Variants in CADM2 observed in about 807,000 individuals in gnomAD.
CADM2 encodes the protein cell adhesion molecule 2.
In CADM2, 12 loss-of-function variants were observed where a neutral mutation model predicts 49.8. That is an observed-to-expected ratio of 0.24 (90% confidence interval 0.15 to 0.39). CADM2 has a LOEUF of 0.39. Ranked by LOEUF, CADM2 falls within the 10% of genes least tolerant of loss-of-function variation. The pLI is 1.00. For missense variants in CADM2, 378 were observed against 492.3 expected (o/e 0.77, Z 2.20); for synonymous variants, 214 against 175.4 (o/e 1.22, Z -1.74).
At chr3:85,598,889 CAT>C (rs2063322332) in intron 1 of CADM2, among the ~76,000 whole-genome samples, 1 of 151,470 alleles carries the variant, frequency 6.6e-6, no homozygotes, top group South Asian at 2.1e-4. Context: ...ATTATACACA[CAT>C]AGACATATAT....
chr3:85,620,737 G>A (rs774253119), intron 1 of CADM2, among the ~76,000 whole-genome samples: 2 of 152,016 alleles, frequency 1.3e-5, no homozygotes, highest in Non-Finnish European at 2.9e-5. Flanking sequence ...GTGACACAAA[G>A]CAATAGTCCT....
intron 8 of CADM2, among the ~76,000 whole-genome samples, chr3:86,061,759 A>T (rs1738681066): frequency 6.6e-6 from 1 of 152,188 alleles, no homozygotes; most frequent in African/African-American, 2.4e-5. Flanking sequence ...TGTTAAAGCA[A>T]AATTTAAATA....
At chr3:85,384,671 A>AAGTG (rs372436345) in intron 1 of CADM2, among the ~76,000 whole-genome samples, 6 of 148,552 alleles carry the variant, frequency 4.0e-5, no homozygotes, top group African/African-American at 1.5e-4. Context: ...GTCAAAAAAA[A>AAGTG]TGTGTGTGTG....
intron 1 of CADM2, among the ~76,000 whole-genome samples, chr3:85,599,752 A>G (rs1421704062): frequency 6.6e-6 from 1 of 152,004 alleles, no homozygotes; most frequent in East Asian, 1.9e-4. Context: ...TTCTAGTAAA[A>G]ATAAATGTTC....
At chr3:85,813,549 C>A (rs558054275) in intron 3 of CADM2, among the ~76,000 whole-genome samples, 2 of 152,162 alleles carry the variant, frequency 1.3e-5, no homozygotes, top group South Asian at 4.1e-4. Context: ...TTAATTAGAT[C>A]CCCTTTGTCA....
At chr3:84,994,878 A>G (rs2033091046) in intron 1 of CADM2, among the ~76,000 whole-genome samples, 1 of 152,012 alleles carries the variant, frequency 6.6e-6, no homozygotes, top group African/African-American at 2.4e-5. Context: ...AATACAAAAA[A>G]TAAGCCGGGC....
At chr3:85,530,867 T>TACACACACACACAC (rs71617940) in intron 1 of CADM2, among the ~76,000 whole-genome samples, 24 of 136,936 alleles carry the variant, frequency 1.8e-4, no homozygotes, top group Non-Finnish European at 3.0e-4. Flanking sequence ...TATGTAAAAA[T>TACACACACACACAC]ACACACACAC....
At chr3:85,509,914 A>T (rs1053978256) in intron 1 of CADM2, among the ~76,000 whole-genome samples, 3 of 152,042 alleles carry the variant, frequency 2.0e-5, no homozygotes, top group African/African-American at 7.2e-5. Context: ...ATCTTCTTAT[A>T]TTAAAATCTC....
intron 1 of CADM2, among the ~76,000 whole-genome samples, chr3:85,095,148 G>T (rs1050684858): frequency 6.6e-6 from 1 of 152,088 alleles, no homozygotes; most frequent in Non-Finnish European, 1.5e-5. Context: ...TTGTTCAAAC[G>T]TTTTAATTTA....
At chr3:85,768,363 G>A (rs1392323356) in intron 2 of CADM2, among the ~76,000 whole-genome samples, 4 of 151,424 alleles carry the variant, frequency 2.6e-5, no homozygotes, top group South Asian at 2.1e-4. Context: ...GGAGAATCAC[G>A]TGAACCCAGG....
At chr3:85,684,875 A>G (rs1323233932) in intron 1 of CADM2, among the ~76,000 whole-genome samples, 1 of 152,202 alleles carries the variant, frequency 6.6e-6, no homozygotes, top group Non-Finnish European at 1.5e-5. Context: ...ATGAGATTTT[A>G]GTGGGAACAC....
chr3:85,216,322 T>C (rs11925786), intron 1 of CADM2, among the ~76,000 whole-genome samples: 3,420 of 147,418 alleles, frequency 0.023, 126 homozygotes, highest in African/African-American at 0.079. Flanking sequence ...AACATATTAA[T>C]ATATATTTAA....
At chr3:85,973,675 G>C (rs2108648496) in intron 8 of CADM2, among the ~76,000 whole-genome samples, 1 of 151,840 alleles carries the variant, frequency 6.6e-6, no homozygotes, top group East Asian at 2.0e-4. Context: ...GAGCAAATTT[G>C]AAAATGTTAT....
intron 1 of CADM2, among the ~76,000 whole-genome samples, chr3:85,645,061 A>T (rs1306676763): frequency 6.6e-6 from 1 of 152,084 alleles, no homozygotes; most frequent in African/African-American, 2.4e-5. Context: ...AAGTTCTTAA[A>T]ATTTTGATTA....
intron 1 of CADM2, among the ~76,000 whole-genome samples, chr3:85,450,995 A>C (rs1233386518): frequency 2.0e-5 from 3 of 152,086 alleles, no homozygotes; most frequent in Non-Finnish European, 4.4e-5. Context: ...AGACTCATTT[A>C]ATATGATTTT....
At chr3:86,007,438 T>A (rs1199420793) in intron 8 of CADM2, among the ~76,000 whole-genome samples, 1 of 152,170 alleles carries the variant, frequency 6.6e-6, no homozygotes, top group East Asian at 1.9e-4. Context: ...ATCTGTGCAC[T>A]GATTGTCATG....
intron 1 of CADM2, among the ~76,000 whole-genome samples, chr3:85,594,859 A>T (rs970008029): frequency 5.3e-5 from 8 of 152,024 alleles, no homozygotes; most frequent in African/African-American, 1.9e-4. Flanking sequence ...AGCTATGCTT[A>T]AAGTGTGCTT....
intron 8 of CADM2, among the ~76,000 whole-genome samples, chr3:86,011,844 A>G (rs917701055): frequency 6.6e-6 from 1 of 152,142 alleles, no homozygotes; most frequent in Non-Finnish European, 1.5e-5. Context: ...AGAAACCATA[A>G]TGGGAATATA....
chr3:85,353,276 C>A (rs1337509390), intron 1 of CADM2, among the ~76,000 whole-genome samples: 1 of 151,982 alleles, frequency 6.6e-6, no homozygotes, highest in African/African-American at 2.4e-5. Context: ...TCTATTAGAG[C>A]ACTTCAGTAA....
Sources: gnomAD v4.1 joint callset for allele counts (sites outside exome capture counted in the v4.1 genomes callset) on GRCh38, gnomAD v4.1.1 for gene constraint, MANE v1.5 for transcripts, NCBI Gene and HGNC (gene_info 2026-07-23, HGNC 2026-07-21) for gene names.